Variants in PRDM5 observed in about 807,000 individuals in gnomAD.
PRDM5 encodes PR/SET domain 5, also known as PR domain zinc finger protein 5.
A neutral mutation model predicts 81.2 loss-of-function variants in PRDM5; 56 were observed. That is an observed-to-expected ratio of 0.69 (90% CI 0.56 to 0.86). PRDM5 has a LOEUF of 0.86. Ranked by LOEUF, PRDM5 falls within the 40% of genes least tolerant of loss-of-function variation. The pLI is 0.00. For synonymous variants in PRDM5, 267 were observed against 256.4 expected, an observed-to-expected ratio of 1.04 and a Z score of -0.39; for missense variants, 697 against 770.1, an observed-to-expected ratio of 0.91 and a Z score of 1.12.
In PRDM5 at chr4:120,922,521, G is replaced by T. The variant is rs749533466; in HGVS notation, c.88C>A (p.Arg30=). Residue 30 remains arginine (R), a synonymous_variant, in exon 1 of 16, where the codon CGA becomes AGA. Transcript: ENST00000264808. ...GMGLYTARRV[R]KGEKFGPFAG... ...GCCGCCGCCGGGTCACCCACCTTTC[G>T]CACTCTGCGGGCCGTGTAGAGCCCC... 7 of 1,602,690 alleles carry T rather than the reference G, an allele frequency of 4.4e-6. No homozygotes were observed. The highest frequency in any genetic ancestry group is 6.0e-6 in the Non-Finnish European group (7 of 1,175,492).
chr4:120,886,062 C>T (rs1579115182), intron 2 of PRDM5, among the ~76,000 whole-genome samples: 4 of 152,234 alleles, frequency 2.6e-5, no homozygotes, highest in Admixed American at 6.5e-5. Context: ...ATGAAACATT[C>T]GATTGCTTTG....
chr4:120,832,921 C>T (rs1015854789), intron 3 of PRDM5, among the ~76,000 whole-genome samples: 1 of 152,102 alleles, frequency 6.6e-6, no homozygotes, highest in African/African-American at 2.4e-5. Context: ...TTGTGCCAAG[C>T]ATACACCCAT....
intron 15 of PRDM5, among the ~76,000 whole-genome samples, chr4:120,705,627 G>A (rs544160562): frequency 1.3e-5 from 2 of 152,136 alleles, no homozygotes; most frequent in Non-Finnish European, 2.9e-5. Flanking sequence ...GAGGGCTGCA[G>A]GTCACCTGAG....
intron 14 of PRDM5, among the ~76,000 whole-genome samples, chr4:120,735,076 A>G (rs949164311): frequency 1.3e-5 from 2 of 152,218 alleles, no homozygotes; most frequent in African/African-American, 4.8e-5. Context: ...TTGGTCAAAG[A>G]AAGTCCCTTT....
chr4:120,791,209 T>C (rs1171196750), intron 10 of PRDM5, among the ~76,000 whole-genome samples: 2 of 152,180 alleles, frequency 1.3e-5, no homozygotes, highest in Non-Finnish European at 2.9e-5. Context: ...AAAATACTCT[T>C]AGCATAGTTT....
At chr4:120,783,591 T>C (rs1376702122) in intron 11 of PRDM5, among the ~76,000 whole-genome samples, 2 of 152,146 alleles carry the variant, frequency 1.3e-5, no homozygotes, top group African/African-American at 4.8e-5. Flanking sequence ...CTTGTCCAAA[T>C]CTCTATTCTA....
At chr4:120,818,220 C>G in intron 5 of PRDM5, 133 bp downstream of exon 5, 1 of 863,878 alleles carries the variant, frequency 1.2e-6, no homozygotes. Flanking sequence ...AATGCTTAAT[C>G]TCTCATTCAC....
intron 3 of PRDM5, among the ~76,000 whole-genome samples, chr4:120,843,920 A>C (rs1227418176): frequency 6.6e-6 from 1 of 152,054 alleles, no homozygotes; most frequent in Non-Finnish European, 1.5e-5. Context: ...TATCTTTCCA[A>C]AGAGAAGAAT....
intron 2 of PRDM5, among the ~76,000 whole-genome samples, chr4:120,867,028 C>T (rs1761258139): frequency 6.6e-6 from 1 of 152,108 alleles, no homozygotes; most frequent in South Asian, 2.1e-4. Context: ...AGGGGCCATT[C>T]GCAGACCTAG....
chr4:120,760,502 A>G (rs1020132078), intron 13 of PRDM5, among the ~76,000 whole-genome samples: 1 of 151,462 alleles, frequency 6.6e-6, no homozygotes, highest in East Asian at 1.9e-4. Flanking sequence ...AGCAGCATAA[A>G]TAATAATATT....
intron 10 of PRDM5, among the ~76,000 whole-genome samples, chr4:120,786,670 C>T (rs372945448): frequency 5.3e-4 from 81 of 152,196 alleles, no homozygotes; most frequent in African/African-American, 1.9e-3. Context: ...TTTTAAATAA[C>T]TTTTGAGTCT....
intron 8 of PRDM5, among the ~76,000 whole-genome samples, chr4:120,802,558 T>C (rs1466827967): frequency 6.6e-6 from 1 of 152,226 alleles, no homozygotes; most frequent in African/African-American, 2.4e-5. Context: ...CAATATTCGC[T>C]GTTGTGCAGC....
At chr4:120,702,017 G>C (rs1194171120) in intron 15 of PRDM5, among the ~76,000 whole-genome samples, 1 of 152,068 alleles carries the variant, frequency 6.6e-6, no homozygotes, top group Non-Finnish European at 1.5e-5. Context: ...GGAATTGTGG[G>C]GGGTATCTCA....
intron 14 of PRDM5, among the ~76,000 whole-genome samples, chr4:120,734,008 G>A (rs1052431175): frequency 1.3e-5 from 2 of 152,126 alleles, no homozygotes; most frequent in African/African-American, 4.8e-5. Flanking sequence ...CCAGGAGAGG[G>A]ACTGCTTTAT....
chr4:120,809,407 A>T (rs927903443), intron 8 of PRDM5, among the ~76,000 whole-genome samples: 1 of 99,216 alleles, frequency 1.0e-5, no homozygotes, highest in Non-Finnish European at 2.8e-5. Context: ...AAATACTTTT[A>T]AAAAAAACAA....
intron 3 of PRDM5, among the ~76,000 whole-genome samples, chr4:120,829,540 A>G (rs1756459805): frequency 6.6e-6 from 1 of 152,098 alleles, no homozygotes; most frequent in African/African-American, 2.4e-5. Flanking sequence ...CTTGTTTCAC[A>G]AGGAAATACT....
intron 2 of PRDM5, among the ~76,000 whole-genome samples, chr4:120,860,615 A>G (rs76168350): frequency 6.9e-6 from 1 of 145,612 alleles, no homozygotes; most frequent in Non-Finnish European, 1.5e-5. Flanking sequence ...CCCTTCTTGG[A>G]AAAAAAAAAA....
At chr4:120,815,234 A>G (rs1754328868) in intron 7 of PRDM5, among the ~76,000 whole-genome samples, 2 of 151,578 alleles carry the variant, frequency 1.3e-5, no homozygotes, top group South Asian at 4.2e-4. Flanking sequence ...TCTATCAAAA[A>G]GTTATGCTTG....
intron 2 of PRDM5, among the ~76,000 whole-genome samples, chr4:120,888,924 T>A (rs1763756208): frequency 6.6e-6 from 1 of 152,210 alleles, no homozygotes; most frequent in South Asian, 2.1e-4. Context: ...TTTGCCCATT[T>A]TTCTTTTTTT....
Sources: gnomAD v4.1 joint callset for allele counts (sites outside exome capture counted in the v4.1 genomes callset) on GRCh38, gnomAD v4.1.1 for gene constraint, MANE v1.5 for transcripts, NCBI Gene and HGNC (gene_info 2026-07-23, HGNC 2026-07-21) for gene names.